The following SLC14A2 variants were observed in gnomAD, a reference collection of about 807,000 sequenced individuals.
SLC14A2 encodes the protein solute carrier family 14 member 2, also known as urea transporter 2.
SLC14A2 carries 91 observed loss-of-function variants against 104.6 expected under a neutral mutation model. The ratio of observed to expected loss-of-function variants is 0.87; its 90% CI spans 0.73 to 1.04. The LOEUF is 1.04. Among genes scored for constraint, SLC14A2 ranks in the 50% least tolerant of loss-of-function variants. The pLI is 0.00. For missense variants in SLC14A2, 1,189 were observed against 1,156.0 expected, an observed-to-expected ratio of 1.03 and a Z score of -0.41; for synonymous variants, 476 against 466.4, an observed-to-expected ratio of 1.02 and a Z score of -0.27.
At chr18:45,224,433 G>A (rs2084094040) in intron 1 of SLC14A2, among the ~76,000 whole-genome samples, 2 of 152,186 alleles carry the variant, frequency 1.3e-5, no homozygotes, top group South Asian at 4.1e-4. Context: ...AGCAGGTCAG[G>A]GCAGATGGGT....
chr18:45,263,186 G>A lies in SLC14A2; in HGVS notation c.-125+49995G>A, dbSNP rs567300341. ...GTGTTTCCTCGTCTTTCATGACCTT[G>A]ATACTTTTGAAGAGTCTTGGTCATT... is the stretch of plus-strand genomic sequence containing the variant. On this transcript the variant is annotated intron_variant, in intron 1 of 20. Transcript: ENST00000586448. 9.2e-5 allele frequency among the ~76,000 whole-genome samples: 14 copies of A among 152,280 alleles called. No individual in the cohort carries two copies. The South Asian group carries it at 2.3e-3, about 25-fold the overall frequency.
intron 2 of SLC14A2, among the ~76,000 whole-genome samples, chr18:45,567,246 A>AT (rs2044280496): frequency 6.6e-6 from 1 of 152,076 alleles, no homozygotes; most frequent in African/African-American, 2.4e-5. Flanking sequence ...ACCATCCCAG[A>AT]CTAAAGTCAT....
chr18:45,289,316 TC>T (rs1266223180), intron 1 of SLC14A2, among the ~76,000 whole-genome samples: 1 of 152,088 alleles, frequency 6.6e-6, no homozygotes, highest in Non-Finnish European at 1.5e-5. Flanking sequence ...GCTGAACAAC[TC>T]AAGCAAAGGA....
At chr18:45,480,766 A>C (rs367857547) in intron 1 of SLC14A2, among the ~76,000 whole-genome samples, 1 of 152,180 alleles carries the variant, frequency 6.6e-6, no homozygotes, top group East Asian at 1.9e-4. Context: ...GTCCCAATTA[A>C]TGTCTGGTGC....
At chr18:45,201,077 T>C in the SLC14A2 span, among the ~76,000 whole-genome samples, 2 of 152,108 alleles carry the variant, frequency 1.3e-5, no homozygotes, top group African/African-American at 4.8e-5. Context: ...TGAGGTATTC[T>C]GTAAATTTGT....
At chr18:45,213,264 T>C (rs541173751) in intron 1 of SLC14A2, 1 of 152,318 alleles carries the variant, frequency 6.6e-6, no homozygotes, top group South Asian at 2.1e-4. Context: ...GCTGTAATTA[T>C]ATGGCTTTCT....
At chr18:45,474,507 T>C (rs1440866053) in intron 1 of SLC14A2, among the ~76,000 whole-genome samples, 1 of 152,218 alleles carries the variant, frequency 6.6e-6, no homozygotes, top group Non-Finnish European at 1.5e-5. Context: ...CATCCGGTCC[T>C]GGGCTTTTTT....
chr18:45,381,992 C>T (rs1002957911), intron 1 of SLC14A2, among the ~76,000 whole-genome samples: 9 of 152,166 alleles, frequency 5.9e-5, no homozygotes, highest in African/African-American at 2.2e-4. Context: ...GTTTATATAA[C>T]ATTTCCGCTT....
intron 2 of SLC14A2, among the ~76,000 whole-genome samples, chr18:45,531,012 C>T (rs1478162638): frequency 6.6e-6 from 1 of 152,146 alleles, no homozygotes; most frequent in African/African-American, 2.4e-5. Flanking sequence ...ATCCATGTCC[C>T]TACAAAGGAC....
chr18:45,657,607 CA>C (rs1450539457), intron 10 of SLC14A2, among the ~76,000 whole-genome samples: 2 of 151,744 alleles, frequency 1.3e-5, no homozygotes, highest in African/African-American at 4.8e-5. Flanking sequence ...ACTGAACTTC[CA>C]ATGGGGAGTA....
intron 2 of SLC14A2, among the ~76,000 whole-genome samples, chr18:45,530,266 G>T (rs1190439126): frequency 6.6e-6 from 1 of 152,114 alleles, no homozygotes; most frequent in African/African-American, 2.4e-5. Context: ...AAAAAATTTG[G>T]CTGATGTTTG....
rs1037259440 is a variant in SLC14A2 at position 45,443,633 on chromosome 18, T to C, written c.-124-39600T>C. On this transcript the variant is annotated intron_variant, in intron 1 of 20. Transcript: ENST00000586448. ...GGTTTTATGGCTGGATTGGGGGAAATGGAGTTCTAGTTTCTGTGATCTTCT... is the reference window on the plus strand; with the variant it reads ...GGTTTTATGGCTGGATTGGGGGAAACGGAGTTCTAGTTTCTGTGATCTTCT... 7.2e-5 allele frequency among the ~76,000 whole-genome samples: 11 copies of C among 152,066 alleles called. No individual in the cohort carries two copies. The South Asian group carries it at 1.9e-3, about 26-fold the overall frequency.
chr18:45,593,679 C>A (rs1296841639), intron 2 of SLC14A2, among the ~76,000 whole-genome samples: 4 of 151,546 alleles, frequency 2.6e-5, no homozygotes, highest in Admixed American at 2.6e-4. Context: ...TTAGTAGAAA[C>A]GGGGTTTCAC....
the SLC14A2 span, among the ~76,000 whole-genome samples, chr18:45,191,641 TG>T: frequency 1.3e-5 from 2 of 152,090 alleles, no homozygotes; most frequent in South Asian, 2.1e-4. Context: ...CTAGGTCCCC[TG>T]GGGGGGAAAT....
At chr18:45,239,244 C>T (rs942719112) in intron 1 of SLC14A2, among the ~76,000 whole-genome samples, 1 of 152,154 alleles carries the variant, frequency 6.6e-6, no homozygotes, top group Non-Finnish European at 1.5e-5. Flanking sequence ...CAAAGATGAA[C>T]CAACTCTTTC....
chr18:45,592,399 G>C (rs2044661181), intron 2 of SLC14A2, among the ~76,000 whole-genome samples: 1 of 152,142 alleles, frequency 6.6e-6, no homozygotes, highest in South Asian at 2.1e-4. Context: ...ATATCAGATG[G>C]AACTGGTTGC....
intron 1 of SLC14A2, among the ~76,000 whole-genome samples, chr18:45,355,699 A>T (rs905835191): frequency 6.6e-6 from 1 of 152,008 alleles, no homozygotes; most frequent in African/African-American, 2.4e-5. Flanking sequence ...GTCAGGCTAC[A>T]TAAGGCTTAC....
chr18:45,246,432 T>C (rs534459494), intron 1 of SLC14A2, among the ~76,000 whole-genome samples: 36 of 152,310 alleles, frequency 2.4e-4, no homozygotes, highest in Non-Finnish European at 4.4e-4. Flanking sequence ...AAACTTACAA[T>C]ATTAAATAAT....
chr18:45,337,712 T>C (rs1462243765), intron 1 of SLC14A2, among the ~76,000 whole-genome samples: 3 of 152,346 alleles, frequency 2.0e-5, no homozygotes, highest in East Asian at 1.9e-4. Context: ...CAGATTCCTT[T>C]TGGCAATAAG....
Sources: allele counts gnomAD v4.1 joint callset (sites outside exome capture counted in the v4.1 genomes callset), GRCh38; gene constraint gnomAD v4.1.1; transcripts MANE v1.5; gene names NCBI Gene and HGNC (gene_info 2026-07-23, HGNC 2026-07-21).